The following SELENOT variants were observed in gnomAD, a reference collection of about 807,000 sequenced individuals.
The protein encoded by SELENOT is selenoprotein T, also known as thioredoxin reductase-like selenoprotein T.
Under a neutral mutation model 24.3 loss-of-function variants are expected in SELENOT, and 9 were observed. The observed-to-expected ratio is 0.37, with a 90% CI of 0.22 to 0.65. The LOEUF is 0.65. SELENOT is among the 30% of genes least tolerant of loss of function. SELENOT has a pLI of 0.60. For missense variants in SELENOT, 166 were observed against 247.6 expected, an observed-to-expected ratio of 0.67 and a Z score of 2.21; for synonymous variants, 81 against 86.0, an observed-to-expected ratio of 0.94 and a Z score of 0.32.
At position 150,625,949 on chromosome 3, in the gene SELENOT, A is replaced by G. The variant is rs1378005272; in HGVS notation, c.463+1050A>G. ...CCGTGGCGCGATCTCGATTCACTGC[A>G]AGCTCTGCCTCCCAGGTTCACGCCA... On this transcript the variant is annotated intron_variant, in intron 4 of 5. Transcript: ENST00000471696. Among the ~76,000 whole-genome samples the G allele has an allele frequency of 4.7e-5, 7 of 150,474 alleles. No homozygotes were observed. The Admixed American group carries it at 4.7e-4, about 10-fold the overall frequency.
chr3:150,624,012 T>G (rs1032974277), intron 3 of SELENOT, among the ~76,000 whole-genome samples: 1 of 152,112 alleles, frequency 6.6e-6, no homozygotes, highest in Non-Finnish European at 1.5e-5. Flanking sequence ...ACCATTTCTT[T>G]CCAGTAACAG....
At position 150,628,323 on chromosome 3, in the gene SELENOT, A is replaced by T. The variant is rs1333683377; in HGVS notation, c.*694A>T. 6.6e-6 allele frequency: 1 copy of T among 152,630 alleles called. No homozygotes were observed. Among genetic ancestry groups the T allele is most frequent in the East Asian group, 1.9e-4 (1 of 5,204 alleles). The allele number at this position is 152,630 out of a possible 1,614,324, so 9.5% of individuals were successfully genotyped here. On this transcript the variant is annotated 3_prime_UTR_variant, in exon 6 of 6. Coordinates refer to ENST00000471696, the MANE Select transcript of SELENOT (RefSeq NM_016275.5). ...ATGCCTTGACCAATCTAATGAATTG[A>T]TTAATTAACTGGGCCTTTATACTTA...
At chr3:150,605,043 A>AC (rs1273526999) in intron 1 of SELENOT, among the ~76,000 whole-genome samples, 1 of 151,782 alleles carries the variant, frequency 6.6e-6, no homozygotes, top group Non-Finnish European at 1.5e-5. Context: ...GTCTCAAAAA[A>AC]AAAAAAAAAA....
intron 1 of SELENOT, among the ~76,000 whole-genome samples, chr3:150,614,009 AT>A (rs202242691): frequency 4.6e-4 from 68 of 147,536 alleles, no homozygotes; most frequent in Non-Finnish European, 6.3e-4. Context: ...TTTTAGGTTT[AT>A]TTTTTTTTTT....
Position 150,603,439 on chromosome 3 carries a change from T to C in SELENOT, c.77T>C (p.Val26Ala), listed in dbSNP as rs755077332. 6.2e-7 allele frequency: 1 copy of C among 1,613,220 alleles called. No homozygotes were observed. Among genetic ancestry groups the C allele is most frequent in the South Asian group, 1.1e-5 (1 of 91,014 alleles). The change falls in exon 1 of 6, where the codon GTG becomes GCG. Residue 26 changes from valine (V) to alanine (A), a missense_variant. This residue lies in a region of SELENOT where 46 missense variants were observed against 49.3 expected (regional missense o/e 0.93). Coordinates refer to ENST00000471696, the MANE Select transcript of SELENOT (RefSeq NM_016275.5). ...RSEASANLGG[V>A]PSKRLKMQYA... ...GAGGCCTCGGCCAATCTGGGCGGCG[T>C]GCCCAGCAAGAGATTAAAGATGCAG...
At chr3:150,609,910 A>G (rs919626640) in intron 1 of SELENOT, among the ~76,000 whole-genome samples, 7 of 152,204 alleles carry the variant, frequency 4.6e-5, no homozygotes, top group Admixed American at 1.3e-4. Context: ...TTAAAGTGTC[A>G]GTGTTTGGTA....
chr3:150,625,309 G>C (rs1726416518), intron 4 of SELENOT, among the ~76,000 whole-genome samples: 1 of 151,900 alleles, frequency 6.6e-6, no homozygotes, highest in African/African-American at 2.4e-5. Context: ...ATAAACTCTT[G>C]CTTACTTCTC....
intron 4 of SELENOT, 171 bp from the exon 5 acceptor site, chr3:150,626,839 T>A (rs371077032): frequency 2.5e-5 from 15 of 604,980 alleles, no homozygotes; most frequent in African/African-American, 1.5e-4. Context: ...TTTGTGTAGT[T>A]CTTTTGACAT....
At chr3:150,626,933 A>G in intron 4 of SELENOT, 77 bp from the exon 5 acceptor site, 2 of 1,449,564 alleles carry the variant, frequency 1.4e-6, no homozygotes, top group Non-Finnish European at 1.9e-6. Flanking sequence ...TACATAGATG[A>G]TAAATATTAG....
At chr3:150,605,893 A>G (rs1450709917) in intron 1 of SELENOT, among the ~76,000 whole-genome samples, 1 of 152,254 alleles carries the variant, frequency 6.6e-6, no homozygotes, top group Non-Finnish European at 1.5e-5. Context: ...GTATTATAAA[A>G]TGCAGCTTTT....
chr3:150,616,551 G>A (rs1245045085), intron 1 of SELENOT, among the ~76,000 whole-genome samples: 1 of 151,812 alleles, frequency 6.6e-6, no homozygotes, highest in Non-Finnish European at 1.5e-5. Context: ...GACATGAACA[G>A]ACACTTCTCA....
At chr3:150,624,443 A>T (rs1726399649) in intron 3 of SELENOT, among the ~76,000 whole-genome samples, 1 of 152,206 alleles carries the variant, frequency 6.6e-6, no homozygotes, top group African/African-American at 2.4e-5. Context: ...TTGACTTAAA[A>T]TGATTTGTTT....
At chr3:150,612,022 A>G in intron 1 of SELENOT, 1 of 489,172 alleles carries the variant, frequency 2.0e-6, no homozygotes, top group South Asian at 2.4e-5. Context: ...AACAGTGGAC[A>G]GTGCCGAGGG....
rs550163844 is a variant in SELENOT, at chr3:150,611,838, G to A, written c.137+8339G>A. ...CACTGGCGACCACAGCGGCCACTGC[G>A]GCTGCCGCCTCCCCACTGCCCAGGC... is the stretch of plus-strand genomic sequence containing the variant. On this transcript the variant is annotated intron_variant, in intron 1 of 5. Transcript: ENST00000471696. 174 of 931,204 alleles carry A rather than the reference G, an allele frequency of 1.9e-4. No homozygotes were observed. The African/African-American group carries it at 2.7e-3, about 14-fold the overall frequency. 57.7% of individuals were successfully genotyped at this position (931,204 alleles called of 1,614,324 possible).
chr3:150,613,485 AT>A (rs1267049375), intron 1 of SELENOT, among the ~76,000 whole-genome samples: 2 of 152,218 alleles, frequency 1.3e-5, no homozygotes, highest in African/African-American at 2.4e-5. Context: ...CTGAAAAAAA[AT>A]ATGAGTGGAC....
rs1481546927 is a variant in SELENOT at position 150,612,033 on chromosome 3, CCGGG to C, written c.137+8535_137+8538del. Reference sequence around the variant, plus strand: ...CCGAAACAGTGGACAGTGCCGAGGGCCGGGACTCAGAGTCGAGCGTCTCCTGGAA... The same window carrying C: ...CCGAAACAGTGGACAGTGCCGAGGGCACTCAGAGTCGAGCGTCTCCTGGAA... On this transcript the variant is annotated intron_variant, in intron 1 of 5. Transcript: ENST00000471696. Among the ~76,000 whole-genome samples the C allele has an allele frequency of 3.3e-5, 5 of 152,284 alleles. No individual in the cohort carries two copies. In the East Asian group the frequency reaches 9.6e-4, roughly 29 times the overall value.
chr3:150,608,065 G>C (rs746775223), intron 1 of SELENOT, among the ~76,000 whole-genome samples: 10 of 152,156 alleles, frequency 6.6e-5, no homozygotes, highest in Admixed American at 2.0e-4. Flanking sequence ...TATGTTTGTG[G>C]GGAAAGAGAG....
intron 5 of SELENOT, 25 bp downstream of exon 5, chr3:150,627,188 T>G: frequency 6.5e-7 from 1 of 1,539,056 alleles, no homozygotes; most frequent in Non-Finnish European, 8.8e-7. Flanking sequence ...ATATAGCTAA[T>G]GTATAGGTTT....
Position 150,622,437 on chromosome 3 carries a change from C to T in SELENOT, c.190C>T (p.Gln64Ter). 6.6e-7 allele frequency: 1 copy of T among 1,504,026 alleles called. No individual in the cohort carries two copies. The highest frequency in any genetic ancestry group is 1.3e-5 in the South Asian group (1 of 78,022). 93.2% of individuals were successfully genotyped at this position (1,504,026 alleles called of 1,614,324 possible). A position where few individuals can be genotyped will look rare whatever the true frequency, so the allele number is the denominator to read the frequency against. The change falls in exon 2 of 6, where the codon CAG becomes TAG. Residue 64 changes from glutamine (Q) to a stop codon, truncating the protein, a stop_gained. Transcript: ENST00000471696. LOFTEE classifies it high-confidence loss of function. ...TGAGGAGTACATGCGGGTTATTAGC[C>T]AGCGGTACCCAGACATCCGCATTGA... ...VFEEYMRVIS[Q>*]RYPDIRIEGE...
Sources: gnomAD v4.1 joint callset for allele counts (sites outside exome capture counted in the v4.1 genomes callset) on GRCh38, gnomAD v4.1.1 for gene constraint, gnomAD v4.1.1 regional missense constraint, MANE v1.5 for transcripts, NCBI Gene and HGNC (gene_info 2026-07-23, HGNC 2026-07-21) for gene names.